The following EPS15L1 variants were observed in gnomAD, a reference collection of about 807,000 sequenced individuals.
The protein encoded by EPS15L1 is epidermal growth factor receptor substrate 15-like 1.
EPS15L1 carries 43 observed loss-of-function variants against 117.1 expected under a neutral mutation model. The observed-to-expected ratio is 0.37, with a 90% CI of 0.29 to 0.47. EPS15L1 has a LOEUF of 0.47. EPS15L1 is among the 20% of genes least tolerant of loss of function. The pLI, the probability that EPS15L1 is intolerant of heterozygous loss-of-function variation, is 0.99. For missense variants in EPS15L1, 981 were observed against 1,164.0 expected, an observed-to-expected ratio of 0.84 and a Z score of 2.29; for synonymous variants, 459 against 470.5, an observed-to-expected ratio of 0.98 and a Z score of 0.32.
chr19:16,373,128 C>T (rs2092248033), intron 22 of EPS15L1, among the ~76,000 whole-genome samples: 1 of 152,228 alleles, frequency 6.6e-6, no homozygotes, highest in South Asian at 2.1e-4. Flanking sequence ...GGTGTCAACG[C>T]TGTGTGCATG....
intron 3 of EPS15L1, chr19:16,441,206 C>T: frequency 2.4e-6 from 1 of 423,856 alleles, no homozygotes; most frequent in Non-Finnish European, 4.4e-6. Flanking sequence ...CGCGGTGGTT[C>T]ACGCCTGTAA....
intron 13 of EPS15L1, among the ~76,000 whole-genome samples, chr19:16,406,061 G>A (rs1279397598): frequency 1.3e-5 from 2 of 152,140 alleles, no homozygotes; most frequent in Non-Finnish European, 2.9e-5. Context: ...GGGTTTGCGG[G>A]GAGCCATGGC....
intron 1 of EPS15L1, among the ~76,000 whole-genome samples, chr19:16,447,252 G>A (rs1454119348): frequency 6.6e-6 from 1 of 152,154 alleles, no homozygotes; most frequent in Non-Finnish European, 1.5e-5. Context: ...TGGACTGGAT[G>A]GGCAGCTCTC....
chr19:16,401,584 G>C (rs776036545), intron 16 of EPS15L1: 55 of 985,488 alleles, frequency 5.6e-5, no homozygotes, highest in Non-Finnish European at 6.3e-5. Flanking sequence ...GAAACTACAT[G>C]TCCCCAGGTT....
At chr19:16,414,778 T>C (rs532505882) in intron 12 of EPS15L1, among the ~76,000 whole-genome samples, 4 of 150,172 alleles carry the variant, frequency 2.7e-5, no homozygotes, top group Non-Finnish European at 4.4e-5. Context: ...GGCACGATCA[T>C]AGCTCACTGC....
At chr19:16,406,378 T>C (rs1193281530) in intron 13 of EPS15L1, among the ~76,000 whole-genome samples, 2 of 152,172 alleles carry the variant, frequency 1.3e-5, no homozygotes, top group Non-Finnish European at 2.9e-5. Flanking sequence ...GAAGGGAAGA[T>C]GCTGGAAACA....
chr19:16,400,985 G>T (rs2092594990), intron 16 of EPS15L1: 3 of 985,470 alleles, frequency 3.0e-6, no homozygotes, highest in Non-Finnish European at 3.6e-6. Context: ...GATGGGGAAA[G>T]TAGGAGCCGG....
chr19:16,416,538 T>C (rs1180825902), intron 12 of EPS15L1, among the ~76,000 whole-genome samples: 2 of 149,988 alleles, frequency 1.3e-5, no homozygotes, highest in Non-Finnish European at 3.0e-5. Context: ...CCTGGGAGGG[T>C]GAGTGGGAAG....
intron 1 of EPS15L1, among the ~76,000 whole-genome samples, chr19:16,450,476 TC>T (rs1408150821): frequency 1.5e-5 from 2 of 133,894 alleles, no homozygotes; most frequent in African/African-American, 5.8e-5. Flanking sequence ...ATGTCCATCT[TC>T]TTTTTTTTTT....
At chr19:16,460,657 C>T (rs1294071301) in intron 1 of EPS15L1, among the ~76,000 whole-genome samples, 4 of 152,230 alleles carry the variant, frequency 2.6e-5, no homozygotes, top group South Asian at 2.1e-4. Flanking sequence ...CCAGAAGCCT[C>T]GACCCACAGA....
chr19:16,427,003 A>C (rs2092879004), intron 8 of EPS15L1, among the ~76,000 whole-genome samples: 1 of 152,204 alleles, frequency 6.6e-6, no homozygotes. Flanking sequence ...TTGTGGATGA[A>C]GAGGCATCAT....
chr19:16,421,355 T>A lies in EPS15L1; in HGVS notation c.914A>T (p.His305Leu). The A allele has an allele frequency of 6.2e-7, 1 of 1,613,408 alleles. No homozygotes were observed. Residue 305 changes from histidine (H) to leucine (L), a missense_variant, in exon 10 of 24, where the codon CAC becomes CTC. Transcript: ENST00000455140. ...SGQEVKEIFM[H>L]SGLTQNLLAH... Reference sequence around the variant, plus strand: ...TAGAAGGTTCTGGGTGAGGCCCGAGTGCATGAAGATCTCCTTCACCTCCTG... The same window carrying A: ...TAGAAGGTTCTGGGTGAGGCCCGAGAGCATGAAGATCTCCTTCACCTCCTG...
At position 16,425,323 on chromosome 19, in the gene EPS15L1, G is replaced by T; in HGVS notation, c.559-7C>A. 1 of 1,573,494 alleles carries T rather than the reference G, an allele frequency of 6.4e-7. No individual in the cohort carries two copies. The highest frequency in any genetic ancestry group is 1.1e-5 in the South Asian group (1 of 87,078). ...GGTACACCAAGTGCATGGCCTGCAG[G>T]TGCAAACAACAATGGCACTGAAGGG... On this transcript the variant is annotated splice_region_variant and splice_polypyrimidine_tract_variant and intron_variant, in intron 8 of 23. Coordinates refer to ENST00000455140, the MANE Select transcript of EPS15L1 (RefSeq NM_001258374.3).
At position 16,355,512 on chromosome 19, in the gene EPS15L1, G is replaced by T; in HGVS notation, c.*193C>A. On this transcript the variant is annotated 3_prime_UTR_variant, in exon 24 of 24. Coordinates refer to ENST00000455140, the MANE Select transcript of EPS15L1 (RefSeq NM_001258374.3). ...CGGACCTGCAGAAGTGGTGGCCAAG[G>T]CCTCTGTAAGGGCTTCCCCAGGAGA... 1.5e-6 allele frequency: 1 copy of T among 651,230 alleles called. No homozygotes were observed. The highest frequency in any genetic ancestry group is 3.1e-5 in the Admixed American group (1 of 32,678). The allele number at this position is 651,230 out of a possible 1,614,324, so 40.3% of individuals were successfully genotyped here.
At chr19:16,468,397 G>A (rs1236116254) in intron 1 of EPS15L1, among the ~76,000 whole-genome samples, 2 of 152,204 alleles carry the variant, frequency 1.3e-5, no homozygotes, top group East Asian at 3.9e-4. Context: ...CCAGGCTGGG[G>A]TGCAGTGGCG....
chr19:16,389,628 C>A (rs546639832), intron 19 of EPS15L1, among the ~76,000 whole-genome samples: 4 of 152,164 alleles, frequency 2.6e-5, no homozygotes, highest in South Asian at 4.2e-4. Context: ...CTTTTTTCCT[C>A]TTTCTTTACA....
chr19:16,438,558 A>T (rs1342780257), intron 4 of EPS15L1, among the ~76,000 whole-genome samples: 2 of 152,142 alleles, frequency 1.3e-5, no homozygotes, highest in Non-Finnish European at 2.9e-5. Context: ...TTTTAGAGAT[A>T]GGGTCTCACT....
chr19:16,437,059 G>A, intron 5 of EPS15L1, 60 bp from the exon 6 acceptor site: 11 of 1,485,744 alleles, frequency 7.4e-6, no homozygotes, highest in Non-Finnish European at 1.0e-5. Context: ...TAGGTGGGTG[G>A]GTTTGCTGAA....
intron 10 of EPS15L1, among the ~76,000 whole-genome samples, chr19:16,419,640 C>CT (rs1307900544): frequency 2.0e-5 from 3 of 152,230 alleles, no homozygotes; most frequent in Non-Finnish European, 4.4e-5. Context: ...GAAGTTTCCC[C>CT]TTTTACCAAA....
Sources: allele counts gnomAD v4.1 joint callset (sites outside exome capture counted in the v4.1 genomes callset), GRCh38; gene constraint gnomAD v4.1.1; transcripts MANE v1.5; gene names NCBI Gene and HGNC (gene_info 2026-07-23, HGNC 2026-07-21).